The following MICALL2 variants were observed in gnomAD, a reference collection of about 807,000 sequenced individuals.
MICALL2 encodes MICAL like 2, also known as MICAL-like protein 2.
MICALL2 carries 111 observed loss-of-function variants against 91.1 expected under a neutral mutation model. The observed-to-expected ratio is 1.22, with a 90% CI of 1.04 to 1.43. The LOEUF (loss-of-function observed/expected upper bound fraction) is 1.43, where lower values mean the gene tolerates loss of function less well. MICALL2 is among the 40% of genes most tolerant of loss of function. The probability of loss-of-function intolerance (pLI) is 0.00; values close to 1 mark genes in which losing one functional copy is unlikely to be tolerated. For missense variants in MICALL2, 1,556 were observed against 1,236.0 expected (o/e 1.26, Z -3.88); for synonymous variants, 694 against 525.3 (o/e 1.32, Z -4.39).
chr7:1,445,906 G>A (rs960909796), intron 5 of MICALL2, among the ~76,000 whole-genome samples: 12 of 151,972 alleles, frequency 7.9e-5, no homozygotes, highest in African/African-American at 2.7e-4. Context: ...GGGGTGCAGG[G>A]TGGCAGCAAG....
chr7:1,447,166 A>C (rs1445949343), intron 4 of MICALL2, among the ~76,000 whole-genome samples: 1 of 152,160 alleles, frequency 6.6e-6, no homozygotes, highest in Non-Finnish European at 1.5e-5. Context: ...GTCCAGGCAT[A>C]GCAGGGGCTG....
intron 14 of MICALL2, chr7:1,437,067 T>C (rs1225472221): frequency 6.1e-6 from 3 of 491,828 alleles, no homozygotes; most frequent in Non-Finnish European, 7.1e-6. Context: ...TTCCCCATCA[T>C]CTCGCAGAAA....
At chr7:1,455,758 G>C (rs1404402305) in intron 1 of MICALL2, among the ~76,000 whole-genome samples, 1 of 151,998 alleles carries the variant, frequency 6.6e-6, no homozygotes, top group African/African-American at 2.4e-5. Context: ...AGTGCTCTCT[G>C]CGTGCAGCAG....
In MICALL2 at chr7:1,447,672, G is replaced by A. The variant is rs375197937; in HGVS notation, c.428C>T (p.Ser143Leu). ...TGGAGGCTTCCGGGCTGGGGCGGGC[G>A]AGGGCAGCTTGGCCGCCTGGACTGG... ...KAPVQAAKLP[S>L]PAPARKPPLS... Residue 143 changes from serine (S) to leucine (L), a missense_variant, in exon 4 of 17, where the codon TCG (serine) becomes TTG (leucine). Physicochemically the swap from Ser to Leu is moderately radical, Grantham distance 145 (BLOSUM62 -2). Transcript: ENST00000297508. 273 of 1,586,482 alleles carry A rather than the reference G, an allele frequency of 1.7e-4. 1 individual carries two copies. The highest frequency in any genetic ancestry group is 3.3e-4 in the South Asian group (29 of 87,012).
rs183766085 is a variant in MICALL2 at position 1,439,919 on chromosome 7, G to T, written c.1966+6C>A. ...CCGGGGGCCCCTGGGTCCCGTCCAG[G>T]AGTACCTGGGAGGCTGGGTCCTGGG... On this transcript the variant is annotated splice_donor_region_variant and intron_variant, in intron 9 of 16. Transcript: ENST00000297508. 429 of 1,455,154 alleles carry T rather than the reference G, an allele frequency of 2.9e-4. 2 individuals are homozygous for T. The highest frequency in any genetic ancestry group is 9.9e-6 in the Non-Finnish European group (11 of 1,108,984). 90.1% of individuals were successfully genotyped at this position (1,455,154 alleles called of 1,614,324 possible). A position where few individuals can be genotyped will look rare whatever the true frequency, so the allele number is the denominator to read the frequency against.
In MICALL2 at chr7:1,440,679, T is replaced by G. The variant is rs1194675987; in HGVS notation, c.1717A>C (p.Ser573Arg). ...TCCTGGCCTTCCTGGAGGCTGGTGC[T>G]CATGTCTGGGTGGGAGGCAAGGGGT... Reference protein sequence around the residue: ...GKSTTLTQDMSTSLQEGQEDG... With the variant: ...GKSTTLTQDMRTSLQEGQEDG... The change falls in exon 8 of 17, where the codon AGC becomes CGC. Residue 573 changes from serine to arginine, a missense_variant. Transcript: ENST00000297508. The G allele has an allele frequency of 6.2e-7, 1 of 1,611,520 alleles. No homozygotes were observed. Among genetic ancestry groups the G allele is most frequent in the East Asian group, 2.2e-5 (1 of 44,872 alleles).
In MICALL2 at chr7:1,434,492, A is replaced by G; in HGVS notation, c.*104T>C. ...CGAATGCCGGGTCCGGGCCGAGCCCACGGCCCCGAGTACAAGTCCGGGTTC... is the reference window on the plus strand; with the variant it reads ...CGAATGCCGGGTCCGGGCCGAGCCCGCGGCCCCGAGTACAAGTCCGGGTTC... On this transcript the variant is annotated 3_prime_UTR_variant, in exon 17 of 17. Coordinates refer to ENST00000297508, the MANE Select transcript of MICALL2 (RefSeq NM_182924.4). 9.5e-7 allele frequency: 1 copy of G among 1,051,356 alleles called. No homozygotes were observed. The highest frequency in any genetic ancestry group is 1.5e-6 in the Non-Finnish European group (1 of 673,176). 65.1% of individuals were successfully genotyped at this position (1,051,356 alleles called of 1,614,324 possible). A position where few individuals can be genotyped will look rare whatever the true frequency, so the allele number is the denominator to read the frequency against.
intron 1 of MICALL2, among the ~76,000 whole-genome samples, chr7:1,453,257 TAAGAG>T (rs1780900394): frequency 1.3e-5 from 2 of 152,002 alleles, no homozygotes; most frequent in African/African-American, 4.8e-5. Flanking sequence ...CCTTTGGAGA[TAAGAG>T]AATTCAAACA....
At chr7:1,455,668 A>C (rs1780989573) in intron 1 of MICALL2, among the ~76,000 whole-genome samples, 1 of 151,902 alleles carries the variant, frequency 6.6e-6, no homozygotes, top group Non-Finnish European at 1.5e-5. Flanking sequence ...AGGCAGAACC[A>C]GGAGCCCGGG....
chr7:1,450,164 C>A, intron 2 of MICALL2, 76 bp downstream of exon 2: 1 of 1,184,982 alleles, frequency 8.4e-7, no homozygotes, highest in Non-Finnish European at 1.3e-6. Flanking sequence ...GGGGGGAGTC[C>A]CTCGGTCCCT....
At position 1,440,090 on chromosome 7, in the gene MICALL2, G is replaced by A. The variant is rs759676182; in HGVS notation, c.1806-5C>T. 4 of 1,587,112 alleles carry A rather than the reference G, an allele frequency of 2.5e-6. No homozygotes were observed. The highest frequency in any genetic ancestry group is 3.4e-6 in the Non-Finnish European group (4 of 1,172,764). Reference sequence around the variant, plus strand: ...GGTTCCTTGGGCTTCAGAGTCCTGGGCAGAAGGCATGAGGTCGGAACCCGA... The same window carrying A: ...GGTTCCTTGGGCTTCAGAGTCCTGGACAGAAGGCATGAGGTCGGAACCCGA... On this transcript the variant is annotated splice_region_variant and splice_polypyrimidine_tract_variant and intron_variant, in intron 8 of 16. Coordinates refer to ENST00000297508, the MANE Select transcript of MICALL2 (RefSeq NM_182924.4).
At chr7:1,448,839 C>CA in intron 2 of MICALL2, 78 bp from the exon 3 acceptor site, 1 of 1,557,000 alleles carries the variant, frequency 6.4e-7, no homozygotes, top group Non-Finnish European at 8.8e-7. Flanking sequence ...CACCTCGACT[C>CA]AAAGACACAG....
At chr7:1,447,802 C>A in intron 3 of MICALL2, 37 bp from the exon 4 acceptor site, 2 of 1,446,080 alleles carry the variant, frequency 1.4e-6, no homozygotes, top group Non-Finnish European at 1.8e-6. Flanking sequence ...GGGTCCCAGG[C>A]CTGGCTCTGA....
At chr7:1,450,782 C>T (rs931568365) in intron 1 of MICALL2, among the ~76,000 whole-genome samples, 1 of 152,214 alleles carries the variant, frequency 6.6e-6, no homozygotes, top group African/African-American at 2.4e-5. Context: ...ACGCTGCCCC[C>T]GAGGGCAGGA....
chr7:1,438,768 C>T lies in MICALL2; in HGVS notation c.2122+72G>A, dbSNP rs867016240. The T allele has an allele frequency of 9.2e-6, 14 of 1,528,660 alleles. 1 individual carries two copies. In the Middle Eastern group the frequency reaches 8.8e-4, roughly 96 times the overall value. The allele number at this position is 1,528,660 out of a possible 1,614,324, so 94.7% of individuals were successfully genotyped here. ...GTGAATGCATCCTCCAAAGCCCCAG[C>T]AGGCATTGCCTCCTCAGAGGAAGGC... On this transcript the variant is annotated intron_variant, in intron 10 of 16. Coordinates refer to ENST00000297508, the MANE Select transcript of MICALL2 (RefSeq NM_182924.4).
chr7:1,458,838 G>C (rs1047321990), intron 1 of MICALL2, among the ~76,000 whole-genome samples: 1 of 152,264 alleles, frequency 6.6e-6, no homozygotes, highest in African/African-American at 2.4e-5. Context: ...CTGGTGGCCA[G>C]GCCCCTGGGC....
intron 16 of MICALL2, 173 bp from the exon 17 acceptor site, chr7:1,434,845 G>C: frequency 2.6e-6 from 2 of 765,362 alleles, no homozygotes; most frequent in South Asian, 1.8e-5. Context: ...GCCCCGACTG[G>C]GTGCCCCGGA....
chr7:1,440,315 A>G (rs919675316), intron 8 of MICALL2: 8 of 631,748 alleles, frequency 1.3e-5, no homozygotes, highest in Middle Eastern at 4.1e-4. Context: ...TCCGGGCCCC[A>G]CGGGACCCAC....
intron 3 of MICALL2, 60 bp downstream of exon 3, chr7:1,448,560 G>A: frequency 6.3e-7 from 1 of 1,589,780 alleles, no homozygotes; most frequent in South Asian, 1.1e-5. Flanking sequence ...AGGCCTGGGA[G>A]CCAGGCCAAG....
Sources: allele counts gnomAD v4.1 joint callset (sites outside exome capture counted in the v4.1 genomes callset), GRCh38; gene constraint gnomAD v4.1.1; transcripts MANE v1.5; gene names NCBI Gene and HGNC (gene_info 2026-07-23, HGNC 2026-07-21).